TMCC1: variants seen among roughly 807,000 people sequenced by gnomAD.
The protein encoded by TMCC1 is transmembrane and coiled-coil domain family 1, also known as transmembrane and coiled-coil domains protein 1.
A neutral mutation model predicts 52.4 loss-of-function variants in TMCC1; 15 were observed. The observed-to-expected ratio is 0.29, with a 90% confidence interval of 0.19 to 0.44. The LOEUF (loss-of-function observed/expected upper bound fraction) is 0.44, where lower values mean the gene tolerates loss of function less well. TMCC1 is among the 20% of genes least tolerant of loss of function. TMCC1 has a pLI of 1.00. For missense variants in TMCC1, 503 were observed against 806.0 expected (o/e 0.62, Z 4.55); for synonymous variants, 279 against 301.9 (o/e 0.92, Z 0.79).
intron 6 of TMCC1, among the ~76,000 whole-genome samples, chr3:129,654,246 C>A (rs891706818): frequency 1.1e-4 from 17 of 152,104 alleles, no homozygotes; most frequent in African/African-American, 4.1e-4. Flanking sequence ...TATAGACAGA[C>A]AATGGATGCT....
intron 4 of TMCC1, among the ~76,000 whole-genome samples, chr3:129,720,401 T>C (rs2049475617): frequency 1.3e-5 from 2 of 152,182 alleles, no homozygotes; most frequent in South Asian, 4.1e-4. Context: ...TACATCTCAG[T>C]TATTGACAAC....
At chr3:129,743,283 A>C (rs1394532563) in intron 4 of TMCC1, among the ~76,000 whole-genome samples, 1 of 152,138 alleles carries the variant, frequency 6.6e-6, no homozygotes, top group East Asian at 1.9e-4. Flanking sequence ...GAAGCTTCTT[A>C]AGAAAAAATT....
intron 2 of TMCC1, among the ~76,000 whole-genome samples, chr3:129,834,342 T>C (rs1015000681): frequency 6.6e-6 from 1 of 152,158 alleles, no homozygotes; most frequent in Non-Finnish European, 1.5e-5. Flanking sequence ...GGCTGGGAAG[T>C]TAAAGAGGGC....
chr3:129,752,769 G>A (rs1024509643), intron 4 of TMCC1, among the ~76,000 whole-genome samples: 1 of 152,074 alleles, frequency 6.6e-6, no homozygotes. Flanking sequence ...GTATTAGCCC[G>A]TTCTCACACT....
chr3:129,825,982 G>T (rs1426306167), intron 4 of TMCC1, among the ~76,000 whole-genome samples: 1 of 152,084 alleles, frequency 6.6e-6, no homozygotes, highest in Non-Finnish European at 1.5e-5. Context: ...TATGAAAAAA[G>T]TTCTCACTTT....
At chr3:129,795,498 A>G (rs954706220) in intron 4 of TMCC1, among the ~76,000 whole-genome samples, 1 of 152,116 alleles carries the variant, frequency 6.6e-6, no homozygotes, top group Admixed American at 6.5e-5. Flanking sequence ...ATTTCCTGTG[A>G]GCAAAGTTAT....
chr3:129,785,453 T>G (rs928178727), intron 4 of TMCC1, among the ~76,000 whole-genome samples: 5 of 152,076 alleles, frequency 3.3e-5, no homozygotes, highest in Non-Finnish European at 7.4e-5. Context: ...CAAGTAATCA[T>G]TCACCACTAG....
intron 2 of TMCC1, among the ~76,000 whole-genome samples, chr3:129,844,761 C>T (rs1271395115): frequency 6.6e-6 from 1 of 152,164 alleles, no homozygotes; most frequent in Non-Finnish European, 1.5e-5. Context: ...AACTTAACTG[C>T]TGGACTAGTA....
chr3:129,787,669 T>C, intron 4 of TMCC1, among the ~76,000 whole-genome samples: 1 of 152,194 alleles, frequency 6.6e-6, no homozygotes, highest in Admixed American at 6.5e-5. Context: ...CCTTTATCAA[T>C]GATTCCCAAA....
At chr3:129,835,121 A>G (rs1445631812) in intron 2 of TMCC1, among the ~76,000 whole-genome samples, 1 of 152,088 alleles carries the variant, frequency 6.6e-6, no homozygotes, top group Non-Finnish European at 1.5e-5. Flanking sequence ...CACCTCATTT[A>G]TGCCACAATA....
At chr3:129,760,336 A>C (rs2053427057) in intron 4 of TMCC1, among the ~76,000 whole-genome samples, 1 of 151,950 alleles carries the variant, frequency 6.6e-6, no homozygotes, top group African/African-American at 2.4e-5. Context: ...CCTCAGCTCA[A>C]GCAATCCTCC....
In TMCC1 at chr3:129,650,339, C is replaced by G. The variant is rs1431828072; in HGVS notation, c.*1142G>C. The G allele has an allele frequency of 6.6e-6, 1 of 151,876 alleles. No homozygotes were observed. The highest frequency in any genetic ancestry group is 1.5e-5 in the Non-Finnish European group (1 of 67,988). The allele number at this position is 151,876 out of a possible 1,614,324, so 9.4% of individuals were successfully genotyped here. ...TGGTTTTTGGAAACAGCCTCCTGCT[C>G]TCCTTGCACAACCCTTTCCTCTTCA... On this transcript the variant is annotated 3_prime_UTR_variant, in exon 7 of 7. Coordinates refer to ENST00000393238, the MANE Select transcript of TMCC1 (RefSeq NM_001017395.5).
At chr3:129,660,030 CT>C (rs1385395865) in intron 5 of TMCC1, among the ~76,000 whole-genome samples, 1 of 152,220 alleles carries the variant, frequency 6.6e-6, no homozygotes, top group African/African-American at 2.4e-5. Flanking sequence ...TTTTGTGAGT[CT>C]CCTAGTTCTC....
At chr3:129,856,269 G>A (rs1002840437) in intron 2 of TMCC1, among the ~76,000 whole-genome samples, 14 of 152,156 alleles carry the variant, frequency 9.2e-5, no homozygotes, top group African/African-American at 2.4e-4. Flanking sequence ...TGAATGGATC[G>A]TGAGAACTCC....
intron 4 of TMCC1, among the ~76,000 whole-genome samples, chr3:129,742,050 A>G (rs1413059164): frequency 6.6e-6 from 1 of 152,132 alleles, no homozygotes; most frequent in Non-Finnish European, 1.5e-5. Context: ...AATAGTCTTG[A>G]TCTTTTGGAT....
At chr3:129,809,171 C>T (rs1436843230) in intron 4 of TMCC1, among the ~76,000 whole-genome samples, 1 of 145,048 alleles carries the variant, frequency 6.9e-6, no homozygotes, top group Non-Finnish European at 1.5e-5. Context: ...GGTGTGAACC[C>T]AGGAGGTGGA....
chr3:129,834,360 G>A (rs953897325), intron 2 of TMCC1, among the ~76,000 whole-genome samples: 1 of 152,130 alleles, frequency 6.6e-6, no homozygotes. Flanking sequence ...GGCTTCAAAT[G>A]TTAGGTAATT....
intron 4 of TMCC1, among the ~76,000 whole-genome samples, chr3:129,812,972 C>T (rs887055049): frequency 6.6e-6 from 1 of 151,994 alleles, no homozygotes; most frequent in Non-Finnish European, 1.5e-5. Context: ...GAACTTAAAT[C>T]AGACAACCCT....
intron 2 of TMCC1, among the ~76,000 whole-genome samples, chr3:129,854,872 A>C (rs1414585730): frequency 6.6e-6 from 1 of 152,220 alleles, no homozygotes; most frequent in Non-Finnish European, 1.5e-5. Context: ...CTTCTCCACC[A>C]GACCCTAAGT....
Sources: gnomAD v4.1 joint callset for allele counts (sites outside exome capture counted in the v4.1 genomes callset) on GRCh38, gnomAD v4.1.1 for gene constraint, MANE v1.5 for transcripts, NCBI Gene and HGNC (gene_info 2026-07-23, HGNC 2026-07-21) for gene names.